Variants in THRB observed in about 807,000 individuals in gnomAD.
The protein encoded by THRB is nuclear receptor subfamily 1 group A member 2.
A neutral mutation model predicts 47.8 loss-of-function variants in THRB; 12 were observed. The observed-to-expected ratio is 0.25, with a 90% CI of 0.16 to 0.41. The LOEUF (loss-of-function observed/expected upper bound fraction) is 0.41, where lower values mean the gene tolerates loss of function less well. THRB is among the 10% of genes least tolerant of loss of function. The pLI is 1.00. For synonymous variants in THRB, 218 were observed against 212.2 expected, an observed-to-expected ratio of 1.03 and a Z score of -0.24; for missense variants, 348 against 589.2, an observed-to-expected ratio of 0.59 and a Z score of 4.24.
intron 4 of THRB, among the ~76,000 whole-genome samples, chr3:24,220,894 A>G (rs926316712): frequency 2.0e-5 from 3 of 152,194 alleles, no homozygotes; most frequent in African/African-American, 4.8e-5. Flanking sequence ...CAAATACTGA[A>G]CAGTCTGCTG....
intron 2 of THRB, among the ~76,000 whole-genome samples, chr3:24,299,962 C>T (rs1358353972): frequency 6.6e-6 from 1 of 151,870 alleles, no homozygotes; most frequent in Non-Finnish European, 1.5e-5. Context: ...AACACTGACT[C>T]TCAATTCCTA....
At chr3:24,352,855 T>C (rs975124401) in intron 1 of THRB, among the ~76,000 whole-genome samples, 1 of 152,190 alleles carries the variant, frequency 6.6e-6, no homozygotes, top group African/African-American at 2.4e-5. Context: ...CAATTTCTTT[T>C]TTATTCTTTT....
intron 1 of THRB, among the ~76,000 whole-genome samples, chr3:24,339,930 A>G (rs958265236): frequency 6.6e-6 from 1 of 152,172 alleles, no homozygotes; most frequent in African/African-American, 2.4e-5. Context: ...ATATATTAAC[A>G]GTGTGGTTAT....
intron 1 of THRB, among the ~76,000 whole-genome samples, chr3:24,436,629 T>A (rs1487246599): frequency 6.6e-6 from 1 of 152,178 alleles, no homozygotes; most frequent in Admixed American, 6.5e-5. Flanking sequence ...CCAGAACACA[T>A]TCTACATTTC....
At chr3:24,291,475 GT>G (rs148533286) in intron 3 of THRB, among the ~76,000 whole-genome samples, 20,372 of 152,092 alleles carry the variant, frequency 0.13, 1,392 homozygotes, top group South Asian at 0.21. Context: ...AGATGCTCAA[GT>G]CCCTTATACA....
At chr3:24,362,707 T>C (rs573058905) in intron 1 of THRB, among the ~76,000 whole-genome samples, 1 of 152,342 alleles carries the variant, frequency 6.6e-6, no homozygotes, top group East Asian at 1.9e-4. Flanking sequence ...AATAAATTAA[T>C]GAATTTAATC....
intron 3 of THRB, among the ~76,000 whole-genome samples, chr3:24,287,439 G>A (rs554656399): frequency 3.9e-5 from 6 of 152,312 alleles, no homozygotes; most frequent in Admixed American, 3.3e-4. Flanking sequence ...TAGGCCAAGA[G>A]TGGCTTTCCC....
intron 2 of THRB, among the ~76,000 whole-genome samples, chr3:24,320,489 G>A (rs1387914086): frequency 6.6e-6 from 1 of 152,064 alleles, no homozygotes; most frequent in African/African-American, 2.4e-5. Flanking sequence ...TAGCATCCCA[G>A]CCCTCCCATC....
intron 8 of THRB, among the ~76,000 whole-genome samples, chr3:24,141,247 T>G (rs998150484): frequency 2.6e-5 from 4 of 152,234 alleles, no homozygotes; most frequent in African/African-American, 9.6e-5. Context: ...GCTGGTGAAC[T>G]GTTAGGAGCC....
chr3:24,424,364 A>G (rs2069555371), intron 1 of THRB, among the ~76,000 whole-genome samples: 1 of 151,998 alleles, frequency 6.6e-6, no homozygotes, highest in African/African-American at 2.4e-5. Context: ...CCAAGCATCA[A>G]TAGTTTTATA....
intron 1 of THRB, among the ~76,000 whole-genome samples, chr3:24,418,578 C>A (rs1224218977): frequency 6.6e-6 from 1 of 151,872 alleles, no homozygotes; most frequent in Non-Finnish European, 1.5e-5. Context: ...AATGGTTCTC[C>A]CACTTCACAT....
chr3:24,220,791 G>T (rs374147671), intron 4 of THRB, among the ~76,000 whole-genome samples: 1 of 119,960 alleles, frequency 8.3e-6, no homozygotes, highest in Non-Finnish European at 1.6e-5. Flanking sequence ...TTCAGTCAAG[G>T]TTAAACAAAA....
At chr3:24,262,075 G>C (rs985960804) in intron 3 of THRB, among the ~76,000 whole-genome samples, 2 of 152,048 alleles carry the variant, frequency 1.3e-5, no homozygotes, top group Non-Finnish European at 2.9e-5. Context: ...CTCTAGACTT[G>C]TATATCTAAT....
At chr3:24,280,103 A>T (rs368575494) in intron 3 of THRB, among the ~76,000 whole-genome samples, 10 of 152,306 alleles carry the variant, frequency 6.6e-5, no homozygotes, top group South Asian at 2.1e-4. Flanking sequence ...GAACCGGGGG[A>T]GGAGCCAAGA....
At chr3:24,243,533 A>C (rs1313169972) in intron 3 of THRB, among the ~76,000 whole-genome samples, 1 of 150,000 alleles carries the variant, frequency 6.7e-6, no homozygotes, top group Admixed American at 6.7e-5. Context: ...TCCCTCCCTC[A>C]CCTCCATTAA....
At chr3:24,443,501 A>G in intron 1 of THRB, among the ~76,000 whole-genome samples, 1 of 152,340 alleles carries the variant, frequency 6.6e-6, no homozygotes, top group African/African-American at 2.4e-5. Flanking sequence ...ATCAAAACTA[A>G]TAAGATAGCA....
intron 1 of THRB, among the ~76,000 whole-genome samples, chr3:24,455,725 G>T (rs553973187): frequency 6.6e-6 from 1 of 152,176 alleles, no homozygotes; most frequent in South Asian, 2.1e-4. Flanking sequence ...CATTCAGTGG[G>T]GTCTTTTATT....
rs78498875 is a variant in THRB, at chr3:24,123,204, T to C, written c.1145-79A>G. 4,248 of 1,600,642 alleles carry C rather than the reference T, an allele frequency of 2.7e-3. 93 individuals are homozygous for C. The African/African-American group carries it at 0.049, about 18-fold the overall frequency. On this transcript the variant is annotated intron_variant, in intron 10 of 10. Coordinates refer to ENST00000646209, the MANE Select transcript of THRB (RefSeq NM_001354712.2). ...TGCTTTGTCCAATTCCAGGCCTTTA[T>C]TGGGGGGCGGGCAGATCTAGGGTCT...
intron 3 of THRB, among the ~76,000 whole-genome samples, chr3:24,281,379 G>C (rs1242804537): frequency 4.0e-5 from 6 of 151,714 alleles, no homozygotes; most frequent in Admixed American, 6.6e-5. Context: ...TTACAGACAA[G>C]CAAATGCTGA....
Sources: gnomAD v4.1 joint callset for allele counts (sites outside exome capture counted in the v4.1 genomes callset) on GRCh38, gnomAD v4.1.1 for gene constraint, MANE v1.5 for transcripts, NCBI Gene and HGNC (gene_info 2026-07-23, HGNC 2026-07-21) for gene names.